Variants in THSD7B observed in about 807,000 individuals in gnomAD.
The protein encoded by THSD7B is thrombospondin type 1 domain containing 7B.
THSD7B carries 138 observed loss-of-function variants against 213.6 expected under a neutral mutation model. That is an observed-to-expected ratio of 0.65 (90% CI 0.56 to 0.74). THSD7B has a LOEUF of 0.74. Among genes scored for constraint, THSD7B ranks in the 30% least tolerant of loss-of-function variants. The probability of loss-of-function intolerance (pLI) is 0.00; values close to 1 mark genes in which losing one functional copy is unlikely to be tolerated. For missense variants in THSD7B, 1,931 were observed against 1,991.5 expected (o/e 0.97, Z 0.58); for synonymous variants, 742 against 687.0 (o/e 1.08, Z -1.25).
intron 15 of THSD7B, among the ~76,000 whole-genome samples, chr2:137,505,113 C>T (rs1022355005): frequency 2.0e-5 from 3 of 152,108 alleles, no homozygotes; most frequent in Admixed American, 6.5e-5. Flanking sequence ...ATTGGAGGAT[C>T]GTTGAGCCTG....
At chr2:137,562,681 A>G (rs1460536666) in intron 15 of THSD7B, among the ~76,000 whole-genome samples, 4 of 151,878 alleles carry the variant, frequency 2.6e-5, no homozygotes, top group Admixed American at 2.6e-4. Flanking sequence ...CTAAATTTAT[A>G]TGAAGCCACA....
intron 12 of THSD7B, among the ~76,000 whole-genome samples, chr2:137,397,222 G>T (rs1345518776): frequency 2.0e-5 from 3 of 151,852 alleles, no homozygotes; most frequent in Non-Finnish European, 4.4e-5. Flanking sequence ...GTTAGCTGGT[G>T]ATTTTGCTTG....
chr2:137,126,325 G>T (rs1366602244), intron 5 of THSD7B, among the ~76,000 whole-genome samples: 1 of 152,292 alleles, frequency 6.6e-6, no homozygotes, highest in East Asian at 1.9e-4. Flanking sequence ...ATCTTAGCTA[G>T]ATCTTCCTGA....
intron 1 of THSD7B, among the ~76,000 whole-genome samples, chr2:136,864,559 CT>C (rs911782269): frequency 3.8e-4 from 56 of 147,598 alleles, no homozygotes; most frequent in Middle Eastern, 3.5e-3. Flanking sequence ...ATTTTCTTTT[CT>C]TTTTTTTTTT....
intron 9 of THSD7B, among the ~76,000 whole-genome samples, chr2:137,238,178 T>G (rs2105061153): frequency 6.6e-6 from 1 of 152,304 alleles, no homozygotes; most frequent in Non-Finnish European, 1.5e-5. Context: ...ATAAAGTTCC[T>G]GAGATATTAG....
At chr2:136,906,939 T>TTTTTTTTG (rs1201873221) in intron 2 of THSD7B, among the ~76,000 whole-genome samples, 3 of 47,742 alleles carry the variant, frequency 6.3e-5, no homozygotes, top group African/African-American at 3.1e-4. Flanking sequence ...TTTCAAGGTT[T>TTTTTTTTG]TTTTTTTTTT....
In THSD7B at chr2:136,990,890, C is replaced by T. The variant is rs760433473; in HGVS notation, c.140-65530C>T. 6.3e-5 allele frequency: 85 copies of T among 1,346,574 alleles called. 1 individual carries two copies. The South Asian group carries it at 8.3e-4, about 13-fold the overall frequency. The allele number at this position is 1,346,574 out of a possible 1,614,324, so 83.4% of individuals were successfully genotyped here. ...AGAAGTAAAATATTCAGAGGCGAAA[C>T]GATGCATAACACAGCAGATGAGGTG... On this transcript the variant is annotated intron_variant, in intron 2 of 27. Transcript: ENST00000409968.
Position 137,348,703 on chromosome 2 carries a change from CTT to C in THSD7B, c.2501-56890_2501-56889del, listed in dbSNP as rs80150345. On this transcript the variant is annotated intron_variant, in intron 12 of 27. Transcript: ENST00000409968. ...TTCTTTATCCTATCTCTATGAACTC[CTT>C]TTTTTTTTTTTTTTTTTTTGTTCCT... Among the ~76,000 whole-genome samples, 992 of 110,900 alleles carry C rather than the reference CTT, an allele frequency of 8.9e-3. 7 individuals carry two copies. The highest frequency in any genetic ancestry group is 0.032 in the African/African-American group (936 of 29,576). 72.8% of individuals were successfully genotyped at this position (110,900 alleles called of 152,430 possible).
intron 12 of THSD7B, among the ~76,000 whole-genome samples, chr2:137,332,940 T>TA (rs2104896380): frequency 6.6e-6 from 1 of 152,344 alleles, no homozygotes; most frequent in East Asian, 1.9e-4. Context: ...CAGTTCTTTA[T>TA]AGCAGCATGA....
intron 10 of THSD7B, among the ~76,000 whole-genome samples, chr2:137,265,330 A>C (rs375351102): frequency 9.2e-5 from 14 of 152,298 alleles, no homozygotes; most frequent in African/African-American, 2.4e-4. Context: ...GCTGGAGAGG[A>C]TGTGGAGAAA....
chr2:136,855,819 A>T (rs1452544162), intron 1 of THSD7B, among the ~76,000 whole-genome samples: 1 of 151,740 alleles, frequency 6.6e-6, no homozygotes, highest in Non-Finnish European at 1.5e-5. Flanking sequence ...ATTATGATCC[A>T]ACTCCAAGGA....
intron 20 of THSD7B, among the ~76,000 whole-genome samples, chr2:137,633,979 G>T (rs1172329977): frequency 6.6e-6 from 1 of 152,074 alleles, no homozygotes; most frequent in Non-Finnish European, 1.5e-5. Context: ...GGTTTTGTTA[G>T]TATTCCTTTG....
intron 12 of THSD7B, among the ~76,000 whole-genome samples, chr2:137,383,240 G>T (rs1685817504): frequency 6.6e-6 from 1 of 152,192 alleles, no homozygotes; most frequent in Non-Finnish European, 1.5e-5. Context: ...CCTAAAGGTA[G>T]GGAAATAAAA....
intron 2 of THSD7B, 119 bp downstream of exon 2, chr2:136,882,436 C>CT (rs10716943): frequency 7.5e-6 from 8 of 1,068,844 alleles, no homozygotes; most frequent in Non-Finnish European, 8.5e-6. Flanking sequence ...AAAATAGACT[C>CT]TTTTTTTTAA....
chr2:136,776,263 A>G (rs1442658789), intron 1 of THSD7B, among the ~76,000 whole-genome samples: 2 of 152,186 alleles, frequency 1.3e-5, no homozygotes, highest in African/African-American at 4.8e-5. Context: ...TGGGTTATAT[A>G]TGCTGGTCTT....
At chr2:137,270,828 T>C (rs1277566616) in intron 10 of THSD7B, among the ~76,000 whole-genome samples, 3 of 152,160 alleles carry the variant, frequency 2.0e-5, no homozygotes, top group African/African-American at 7.2e-5. Flanking sequence ...AAGTAAATTG[T>C]CAATTACTGC....
chr2:137,112,336 G>T (rs1688363118), intron 4 of THSD7B, among the ~76,000 whole-genome samples: 2 of 148,950 alleles, frequency 1.3e-5, no homozygotes, highest in South Asian at 2.1e-4. Context: ...TCTCCCTCTT[G>T]CTAGGTTGAT....
intron 17 of THSD7B, among the ~76,000 whole-genome samples, chr2:137,596,291 C>A (rs1185066532): frequency 6.6e-6 from 1 of 151,948 alleles, no homozygotes; most frequent in Admixed American, 6.6e-5. Flanking sequence ...TAAATGGAGG[C>A]AGATAACACA....
intron 1 of THSD7B, among the ~76,000 whole-genome samples, chr2:136,819,832 C>T (rs1558815598): frequency 6.6e-6 from 1 of 151,360 alleles, no homozygotes; most frequent in African/African-American, 2.4e-5. Flanking sequence ...AAGAAGCCTA[C>T]TACTCTCCTC....
Sources: gnomAD v4.1 joint callset for allele counts (sites outside exome capture counted in the v4.1 genomes callset) on GRCh38, gnomAD v4.1.1 for gene constraint, MANE v1.5 for transcripts, NCBI Gene and HGNC (gene_info 2026-07-23, HGNC 2026-07-21) for gene names.